Variants in SPG11 observed in about 807,000 individuals in gnomAD.
The protein encoded by SPG11 is SPG11 vesicle trafficking associated, spatacsin.
In SPG11, 222 loss-of-function variants were observed where a neutral mutation model predicts 274.0. That is an observed-to-expected ratio of 0.81 (90% CI 0.73 to 0.91). The LOEUF is 0.91. Among genes scored for constraint, SPG11 ranks in the 40% least tolerant of loss-of-function variants. SPG11 has a pLI of 0.00. For missense variants in SPG11, 3,114 were observed against 2,872.7 expected (o/e 1.08, Z -1.92); for synonymous variants, 1,144 against 1,039.7 (o/e 1.10, Z -1.93).
rs1020509733 is a variant in SPG11 at position 44,602,322 on chromosome 15, A to C, written c.3521-1690T>G. On this transcript the variant is annotated intron_variant, in intron 20 of 39. Coordinates refer to ENST00000261866, the MANE Select transcript of SPG11 (RefSeq NM_025137.4). ...TTAGAGGAAAAGCTTTCAACTTTTC[A>C]CTGCTGAGTATATTAGCTGTGAGAC... Among the ~76,000 whole-genome samples the C allele has an allele frequency of 5.9e-5, 9 of 152,188 alleles. No individual in the cohort carries two copies. In the East Asian group the frequency reaches 1.7e-3, roughly 29 times the overall value.
chr15:44,661,618 A>T (rs969233002), intron 1 of SPG11, among the ~76,000 whole-genome samples: 4 of 151,556 alleles, frequency 2.6e-5, no homozygotes, highest in Non-Finnish European at 4.4e-5. Context: ...CTTATTAGGT[A>T]AAAAAAAGAC....
intron 38 of SPG11, 71 bp from the exon 39 acceptor site, chr15:44,564,769 G>T: frequency 1.3e-6 from 2 of 1,521,428 alleles, no homozygotes; most frequent in Non-Finnish European, 1.8e-6. Context: ...AACTGTTGTA[G>T]AAAACAATAC....
chr15:44,588,208 C>G (rs1393698514), intron 28 of SPG11, among the ~76,000 whole-genome samples: 1 of 151,514 alleles, frequency 6.6e-6, no homozygotes, highest in Non-Finnish European at 1.5e-5. Flanking sequence ...TTGAAATTAT[C>G]AAACAAGTGG....
intron 30 of SPG11, 28 bp from the exon 31 acceptor site, chr15:44,575,069 T>C: frequency 1.2e-6 from 2 of 1,613,034 alleles, no homozygotes; most frequent in Non-Finnish European, 1.7e-6. Flanking sequence ...TCTGAGGGGC[T>C]CTAAGCTGGG....
In SPG11 at chr15:44,657,166, T is replaced by G; in HGVS notation, c.798A>C (p.Gln266His). The change falls in exon 4 of 40, where the codon CAA becomes CAC. Residue 266 changes from glutamine (Q) to histidine (H), a missense_variant. By Grantham distance (24) the Gln-to-His change is conservative. Transcript: ENST00000261866. ...TGACAATCACTGCAACATCGAGGTC[T>G]TGAGAAACTTTCAGTGAAGTAAATG... ...ISSFTSLKVS[Q>H]DLDVAVIVSS... The G allele has an allele frequency of 3.1e-6, 5 of 1,614,206 alleles. No homozygotes were observed. The highest frequency in any genetic ancestry group is 4.2e-6 in the Non-Finnish European group (5 of 1,180,028).
chr15:44,618,757 T>C (rs1157413731), intron 15 of SPG11, among the ~76,000 whole-genome samples: 5 of 151,884 alleles, frequency 3.3e-5, no homozygotes, highest in Non-Finnish European at 7.4e-5. Context: ...AAGGCAGAGC[T>C]TGTAGTGAGC....
intron 7 of SPG11, among the ~76,000 whole-genome samples, chr15:44,640,355 T>A (rs1390924837): frequency 2.6e-5 from 4 of 152,126 alleles, no homozygotes; most frequent in Non-Finnish European, 5.9e-5. Flanking sequence ...TTGAAAGACA[T>A]TAATAAAGAC....
intron 23 of SPG11, 155 bp from the exon 24 acceptor site, chr15:44,597,098 A>G: frequency 2.7e-6 from 2 of 737,210 alleles, no homozygotes; most frequent in Non-Finnish European, 4.3e-6. Context: ...GCTACTTTGA[A>G]AAAAGTAGAT....
intron 28 of SPG11, among the ~76,000 whole-genome samples, chr15:44,587,912 A>C (rs903865002): frequency 2.0e-5 from 3 of 152,284 alleles, no homozygotes; most frequent in Non-Finnish European, 2.9e-5. Flanking sequence ...ATTACTACAG[A>C]TCAATGAAAA....
chr15:44,595,758 C>T (rs1567148116), intron 25 of SPG11, among the ~76,000 whole-genome samples: 1 of 152,152 alleles, frequency 6.6e-6, no homozygotes, highest in Non-Finnish European at 1.5e-5. Context: ...GATTAAAGGA[C>T]TGTCTGGAAT....
chr15:44,657,150 C>T lies in SPG11; in HGVS notation c.814G>A (p.Val272Met). The change falls in exon 4 of 40, where the codon GTG becomes ATG. Residue 272 changes from valine to methionine, a missense_variant. By Grantham distance (21) the Val-to-Met change is conservative. Transcript: ENST00000261866. ...LKVSQDLDVA[V>M]IVSSSNSAVA... ...GCGGAGTTGGAGGAGCTGACAATCA[C>T]TGCAACATCGAGGTCTTGAGAAACT... The T allele has an allele frequency of 6.2e-7, 1 of 1,614,186 alleles. No individual in the cohort carries two copies. The highest frequency in any genetic ancestry group is 1.1e-5 in the South Asian group (1 of 91,088).
Position 44,660,587 on chromosome 15 carries a change from C to T in SPG11, c.287G>A (p.Ser96Asn). ...HFLWEDSRNSSTPTEKPKLLA... is the reference protein window; with the variant it reads ...HFLWEDSRNSNTPTEKPKLLA... ...CAGTTTGGGCTTTTCAGTTGGTGTGCTGCTGTTACGAGAATCCTCCCATAG... is the reference window on the plus strand; with the variant it reads ...CAGTTTGGGCTTTTCAGTTGGTGTGTTGCTGTTACGAGAATCCTCCCATAG... Residue 96 changes from serine to asparagine, a missense_variant, in exon 2 of 40, where the codon AGC becomes AAC. Physicochemically the swap from Ser to Asn is conservative, Grantham distance 46. Transcript: ENST00000261866. The T allele has an allele frequency of 6.2e-7, 1 of 1,614,082 alleles. No individual in the cohort carries two copies. Among genetic ancestry groups the T allele is most frequent in the Non-Finnish European group, 8.5e-7 (1 of 1,180,014 alleles).
rs2082707646 is a variant in SPG11 at position 44,584,054 on chromosome 15, C to T, written c.5626G>A (p.Glu1876Lys). The stretch of plus-strand genomic sequence containing the variant: ...CGCCCAATCAAAAAGTTTAGTGACT[C>T]CTGCTCTTTCCAATCCAATCTATTC... ...CENRLDWKEQ[E>K]SLNFLIGRLL... Residue 1876 changes from glutamate to lysine, a missense_variant, in exon 30 of 40, where the codon GAG becomes AAG. Physicochemically the swap from Glu to Lys is moderately conservative, Grantham distance 56. Transcript: ENST00000261866. 1.2e-6 allele frequency: 2 copies of T among 1,614,224 alleles called. No homozygotes were observed. Among genetic ancestry groups the T allele is most frequent in the Non-Finnish European group, 1.7e-6 (2 of 1,180,042 alleles).
chr15:44,586,077 T>C (rs2082758706), intron 28 of SPG11, among the ~76,000 whole-genome samples: 1 of 144,476 alleles, frequency 6.9e-6, no homozygotes, highest in African/African-American at 2.6e-5. Context: ...CTGCACCTCC[T>C]GGGTTCAAGG....
At chr15:44,568,493 G>C (rs1007746588) in intron 35 of SPG11, among the ~76,000 whole-genome samples, 7 of 152,172 alleles carry the variant, frequency 4.6e-5, no homozygotes, top group Admixed American at 2.0e-4. Context: ...CAGAAGCAAT[G>C]AATCATCCAA....
At position 44,566,135 on chromosome 15, in the gene SPG11, G is replaced by GA. The variant is rs1284905882; in HGVS notation, c.6843+81dup. 2.5e-6 allele frequency: 4 copies of GA among 1,592,916 alleles called. No individual in the cohort carries two copies. The Admixed American group carries it at 6.8e-5, about 27-fold the overall frequency. ...CTATGATGCCCTCCCGCTTCACCTG[G>GA]AAAGAGCCCAAGGACAAAAGAAAAT... On this transcript the variant is annotated intron_variant, in intron 37 of 39. Transcript: ENST00000261866.
chr15:44,584,281 T>TCCA lies in SPG11; in HGVS notation c.5398_5399insTGG (p.Gln1800delinsLeuGlu), dbSNP rs761642635. The TCCA allele has an allele frequency of 8.1e-6, 13 of 1,613,432 alleles. No individual in the cohort carries two copies. In the South Asian group the frequency reaches 1.4e-4, roughly 18 times the overall value. ...CTGGGTGATGCGGCACAGCCAGATC[T>TCCA]GCTTCTCCAGCTCCTCCAGCTTATC... is the stretch of plus-strand genomic sequence containing the variant. On this transcript the variant is annotated protein_altering_variant, in exon 30 of 40. Transcript: ENST00000261866.
At chr15:44,607,360 C>G (rs982943356) in intron 19 of SPG11, among the ~76,000 whole-genome samples, 1 of 152,202 alleles carries the variant, frequency 6.6e-6, no homozygotes, top group Admixed American at 6.5e-5. Flanking sequence ...CAGCTTACTG[C>G]AACTTTCGCC....
At chr15:44,605,461 T>C (rs1464942567) in intron 20 of SPG11, among the ~76,000 whole-genome samples, 6 of 152,198 alleles carry the variant, frequency 3.9e-5, no homozygotes, top group African/African-American at 1.2e-4. Context: ...ACAGGCAACA[T>C]GATATTAAAG....
Sources: allele counts gnomAD v4.1 joint callset (sites outside exome capture counted in the v4.1 genomes callset), GRCh38; gene constraint gnomAD v4.1.1; transcripts MANE v1.5; gene names NCBI Gene and HGNC (gene_info 2026-07-23, HGNC 2026-07-21).